The following CABCOCO1 variants were observed in gnomAD, a reference collection of about 807,000 sequenced individuals.
CABCOCO1 encodes the protein ciliary-associated calcium-binding coiled-coil protein 1.
In CABCOCO1, 28 loss-of-function variants were observed where a neutral mutation model predicts 35.7. The observed-to-expected ratio is 0.78, with a 90% CI of 0.58 to 1.07. CABCOCO1 has a LOEUF of 1.07. Ranked by LOEUF, CABCOCO1 falls within the 50% of genes least tolerant of loss-of-function variation. The pLI, the probability that CABCOCO1 is intolerant of heterozygous loss-of-function variation, is 0.00. For missense variants in CABCOCO1, 326 were observed against 309.2 expected (o/e 1.05, Z -0.41); for synonymous variants, 95 against 100.1 (o/e 0.95, Z 0.30).
At chr10:61,748,161 G>GA (rs10680460) in intron 5 of CABCOCO1, among the ~76,000 whole-genome samples, 17,384 of 148,292 alleles carry the variant, frequency 0.12, 1,328 homozygotes, top group East Asian at 0.19. Flanking sequence ...AGATACGGGG[G>GA]AAAAAAAAAA....
intron 1 of CABCOCO1, 29 bp downstream of exon 1, chr10:61,663,061 C>T (rs1165749642): frequency 8.3e-6 from 2 of 240,628 alleles, no homozygotes; most frequent in South Asian, 3.6e-5. Context: ...TTCCCGGTAC[C>T]GGTGCCGGTA....
intron 4 of CABCOCO1, 32 bp downstream of exon 4, chr10:61,686,217 C>T: frequency 6.1e-6 from 9 of 1,471,520 alleles, no homozygotes; most frequent in Non-Finnish European, 8.2e-6. Context: ...ATTTATTTTT[C>T]ATTTCACATC....
chr10:61,669,242 G>A (rs1300883104), intron 1 of CABCOCO1, among the ~76,000 whole-genome samples: 1 of 151,826 alleles, frequency 6.6e-6, no homozygotes, highest in African/African-American at 2.4e-5. Flanking sequence ...AATGTGAAAA[G>A]TTTAGTTGAC....
At chr10:61,746,493 T>C (rs1208641753) in intron 5 of CABCOCO1, among the ~76,000 whole-genome samples, 2 of 152,178 alleles carry the variant, frequency 1.3e-5, no homozygotes, top group African/African-American at 4.8e-5. Context: ...TGGTGCTTGG[T>C]CTGCAGATTA....
chr10:61,715,321 A>T (rs373935110), intron 5 of CABCOCO1, among the ~76,000 whole-genome samples: 1 of 152,072 alleles, frequency 6.6e-6, no homozygotes, highest in East Asian at 1.9e-4. Flanking sequence ...TTTATCAGAG[A>T]TTAGGCTTGC....
chr10:61,751,605 C>A (rs192987147), intron 5 of CABCOCO1, among the ~76,000 whole-genome samples: 280 of 152,232 alleles, frequency 1.8e-3, no homozygotes, highest in African/African-American at 6.0e-3. Context: ...CCAGTAAGCA[C>A]TAAATGTGTA....
rs200965185 is a variant in CABCOCO1 at position 61,719,483 on chromosome 10, CCA to C, written c.552+28873_552+28874del. ...ATCTAGATTCTCACCCCCACACCCTCCACACACACACATTTTTTTGGTTAGCT... is the reference window on the plus strand; with the variant it reads ...ATCTAGATTCTCACCCCCACACCCTCCACACACACATTTTTTTGGTTAGCT... On this transcript the variant is annotated intron_variant, in intron 5 of 7. Coordinates refer to ENST00000648843, the MANE Select transcript of CABCOCO1 (RefSeq NM_001366906.2). 3.6e-3 allele frequency among the ~76,000 whole-genome samples: 548 copies of C among 152,104 alleles called. 4 individuals carry two copies. The highest frequency in any genetic ancestry group is 0.013 in the African/African-American group (520 of 41,490).
At chr10:61,726,555 T>C (rs930064303) in intron 5 of CABCOCO1, among the ~76,000 whole-genome samples, 11 of 152,058 alleles carry the variant, frequency 7.2e-5, no homozygotes, top group Non-Finnish European at 1.3e-4. Context: ...CTACTTGTAT[T>C]GCTTGAACTC....
chr10:61,737,919 T>C (rs10821918), intron 5 of CABCOCO1, among the ~76,000 whole-genome samples: 63,648 of 151,900 alleles, frequency 0.42, 15,604 homozygotes, highest in Non-Finnish European at 0.55. Context: ...CATGTTTACC[T>C]ATGTAACAAA....
chr10:61,760,610 G>T (rs2132093445), intron 6 of CABCOCO1, among the ~76,000 whole-genome samples: 1 of 152,100 alleles, frequency 6.6e-6, no homozygotes, highest in African/African-American at 2.4e-5. Context: ...TGGAGGGTGG[G>T]CAAGGAAGGG....
At chr10:61,682,051 G>A (rs561036387) in intron 3 of CABCOCO1, among the ~76,000 whole-genome samples, 16 of 152,166 alleles carry the variant, frequency 1.1e-4, no homozygotes, top group East Asian at 1.9e-4. Flanking sequence ...AAGCTTTGGC[G>A]ACTTCTGAGC....
chr10:61,679,325 AT>A (rs1454832244), intron 2 of CABCOCO1, among the ~76,000 whole-genome samples: 2 of 134,230 alleles, frequency 1.5e-5, no homozygotes, highest in African/African-American at 5.4e-5. Flanking sequence ...ATCTATATCT[AT>A]ATCTATCTAT....
At chr10:61,760,267 AT>A in intron 6 of CABCOCO1, 86 bp downstream of exon 6, 1 of 1,467,334 alleles carries the variant, frequency 6.8e-7, no homozygotes, top group African/African-American at 1.4e-5. Flanking sequence ...TGTTTTCTTC[AT>A]TTTCTTTGCC....
chr10:61,717,779 G>T (rs1428071331), intron 5 of CABCOCO1, among the ~76,000 whole-genome samples: 3 of 152,178 alleles, frequency 2.0e-5, no homozygotes, highest in Admixed American at 2.0e-4. Context: ...TGTTGGAAGT[G>T]TTGGGAATTG....
At chr10:61,706,967 G>T (rs1840607675) in intron 5 of CABCOCO1, among the ~76,000 whole-genome samples, 1 of 152,082 alleles carries the variant, frequency 6.6e-6, no homozygotes, top group Non-Finnish European at 1.5e-5. Context: ...CTGCACCTTT[G>T]TATAAAGTCC....
chr10:61,758,023 A>G (rs1446505039), intron 5 of CABCOCO1, among the ~76,000 whole-genome samples: 1 of 152,044 alleles, frequency 6.6e-6, no homozygotes, highest in Non-Finnish European at 1.5e-5. Context: ...AAATATGGTG[A>G]CAGTAGACCA....
intron 5 of CABCOCO1, among the ~76,000 whole-genome samples, chr10:61,709,690 AT>A (rs1485407135): frequency 1.4e-5 from 2 of 146,104 alleles, no homozygotes; most frequent in Non-Finnish European, 1.5e-5. Context: ...TCCCCCTCAA[AT>A]TTAAAAAAAA....
intron 5 of CABCOCO1, among the ~76,000 whole-genome samples, chr10:61,725,596 A>G (rs10761590): frequency 0.48 from 61,452 of 127,256 alleles, 15,002 homozygotes; most frequent in Middle Eastern, 0.61. Context: ...ACATCACACA[A>G]TGGGGCCTGT....
intron 5 of CABCOCO1, among the ~76,000 whole-genome samples, chr10:61,755,942 T>G (rs1841888890): frequency 6.6e-6 from 1 of 152,064 alleles, no homozygotes; most frequent in Non-Finnish European, 1.5e-5. Context: ...CCAAACTGAC[T>G]CTGTACTTTG....
Sources: gnomAD v4.1 joint callset for allele counts (sites outside exome capture counted in the v4.1 genomes callset) on GRCh38, gnomAD v4.1.1 for gene constraint, MANE v1.5 for transcripts, NCBI Gene and HGNC (gene_info 2026-07-23, HGNC 2026-07-21) for gene names.